Variants in EPB41L3 observed in about 807,000 individuals in gnomAD.
EPB41L3 encodes the protein band 4.1-like protein 3.
EPB41L3 carries 57 observed loss-of-function variants against 127.1 expected under a neutral mutation model. That is an observed-to-expected ratio of 0.45 (90% CI 0.36 to 0.56). The LOEUF (loss-of-function observed/expected upper bound fraction) is 0.56. EPB41L3 is among the 20% of genes least tolerant of loss of function. The pLI is 0.00. For synonymous variants in EPB41L3, 572 were observed against 549.5 expected, an observed-to-expected ratio of 1.04 and a Z score of -0.57; for missense variants, 1,273 against 1,372.2, an observed-to-expected ratio of 0.93 and a Z score of 1.14.
rs772769794 is a variant in EPB41L3 at position 5,423,459 on chromosome 18, T to C, written c.1258A>G (p.Ser420Gly). The C allele has an allele frequency of 1.9e-6, 3 of 1,614,098 alleles. No homozygotes were observed. The highest frequency in any genetic ancestry group is 1.6e-4 in the Middle Eastern group (1 of 6,062). Residue 420 changes from serine (S) to glycine (G), a missense_variant, in exon 11 of 23, where the codon AGT (serine) becomes GGT (glycine). By Grantham distance (56) the Ser-to-Gly change is moderately conservative. Transcript: ENST00000341928. ...GGTGCTGGGCGATCTATCAACGCAC[T>C]GGCTCTTCTCGTTTGCGCTTGTGTC... ...GRTQAQTRRA[S>G]ALIDRPAPYF...
intron 5 of EPB41L3, among the ~76,000 whole-genome samples, chr18:5,438,573 G>A (rs1230816211): frequency 6.6e-6 from 1 of 152,168 alleles, no homozygotes; most frequent in East Asian, 1.9e-4. Flanking sequence ...AATGTCAAGG[G>A]ACTATTCAAC....
chr18:5,616,230 A>G (rs948311), intron 1 of EPB41L3, among the ~76,000 whole-genome samples: 40,550 of 151,826 alleles, frequency 0.27, 5,707 homozygotes, highest in South Asian at 0.47. Context: ...CACTACGTGT[A>G]TGCCTGCTGC....
At chr18:5,629,190 A>G (rs550693151), upstream of EPB41L3, among the ~76,000 whole-genome samples, 12 of 151,842 alleles carry the variant, frequency 7.9e-5, no homozygotes, top group South Asian at 2.3e-3. Context: ...TCGATCCCCC[A>G]CCCGCACCCT....
At chr18:5,509,413 TA>T (rs1460492994) in intron 1 of EPB41L3, among the ~76,000 whole-genome samples, 2 of 152,214 alleles carry the variant, frequency 1.3e-5, no homozygotes, top group Non-Finnish European at 2.9e-5. Context: ...CCTGAGAGAA[TA>T]GAGTTAAACG....
At chr18:5,630,661 T>G, upstream of EPB41L3, 1 of 351,848 alleles carries the variant, frequency 2.8e-6, no homozygotes, top group African/African-American at 2.3e-5. Flanking sequence ...TTCGGGCGCC[T>G]GTGACAGCCC....
Position 5,397,204 on chromosome 18 carries a change from C to T in EPB41L3, c.2695G>A (p.Glu899Lys). The T allele has an allele frequency of 6.2e-7, 1 of 1,614,154 alleles. No homozygotes were observed. The highest frequency in any genetic ancestry group is 8.5e-7 in the Non-Finnish European group (1 of 1,180,028). ...IKGKEGSALT[E>K]GAKEEGGEEV... is the part of the protein sequence containing the mutation. ...TCCCCTCCTTCCTCTTTAGCCCCCTCCGTCAAGGCAGAGCCCTCTTTCCCT... is the reference window on the plus strand; with the variant it reads ...TCCCCTCCTTCCTCTTTAGCCCCCTTCGTCAAGGCAGAGCCCTCTTTCCCT... Residue 899 changes from glutamate to lysine, a missense_variant, in exon 18 of 23, where the codon GAG (glutamate) becomes AAG (lysine). Transcript: ENST00000341928. The surrounding 1 kb of genome is among the most constrained non-coding windows in gnomAD (Gnocchi z 4.1).
At chr18:5,515,099 A>G (rs1292930347) in intron 1 of EPB41L3, among the ~76,000 whole-genome samples, 1 of 152,134 alleles carries the variant, frequency 6.6e-6, no homozygotes, top group Non-Finnish European at 1.5e-5. Context: ...AGGACATTTT[A>G]TTTTTATTCT....
intron 1 of EPB41L3, among the ~76,000 whole-genome samples, chr18:5,492,889 G>A (rs1009617568): frequency 3.3e-5 from 5 of 151,958 alleles, no homozygotes; most frequent in Admixed American, 6.6e-5. Flanking sequence ...CCCTCTCTCA[G>A]GAATATATTT....
At chr18:5,593,201 C>T (rs2094502751) in intron 3 of EPB41L3, among the ~76,000 whole-genome samples, 1 of 151,768 alleles carries the variant, frequency 6.6e-6, no homozygotes, top group African/African-American at 2.4e-5. Flanking sequence ...ACCTCACCCC[C>T]ACCCCCCTGT....
At chr18:5,545,868 T>C, upstream of EPB41L3, among the ~76,000 whole-genome samples, 1 of 111,004 alleles carries the variant, frequency 9.0e-6, no homozygotes, top group African/African-American at 3.6e-5. Flanking sequence ...CGCACCTGTA[T>C]GACTCTGTGT....
At chr18:5,485,630 G>C (rs2089617503) in intron 2 of EPB41L3, among the ~76,000 whole-genome samples, 2 of 152,016 alleles carry the variant, frequency 1.3e-5, no homozygotes. Context: ...AGAACTGATA[G>C]ATGAATTCAG....
intron 6 of EPB41L3, among the ~76,000 whole-genome samples, chr18:5,435,786 G>A (rs2079685656): frequency 6.6e-6 from 1 of 152,154 alleles, no homozygotes; most frequent in Non-Finnish European, 1.5e-5. Context: ...ACAGATTTCA[G>A]GTAACTCAAT....
rs2076752830 is a variant in EPB41L3 at position 5,415,951 on chromosome 18, G to A, written c.1934C>T (p.Ser645Phe). Residue 645 changes from serine to phenylalanine, a missense_variant, in exon 13 of 23, where the codon TCT becomes TTT. Ser to Phe is a radical substitution (Grantham distance 155). This residue lies in a region of EPB41L3 where 765 missense variants were observed against 782.9 expected (regional missense o/e 0.98). Transcript: ENST00000341928. ...AGCGTATGGCACTGAGAAGGAGGCA[G>A]ACAGCAGAAAGAAAAAGATGAAGAG... is the stretch of plus-strand genomic sequence containing the variant. ...CFLFIFFFLL[S>F]ASFSVPYALT... 3 of 1,614,070 alleles carry A rather than the reference G, an allele frequency of 1.9e-6. No individual in the cohort carries two copies. The highest frequency in any genetic ancestry group is 1.7e-6 in the Non-Finnish European group (2 of 1,180,052).
intron 3 of EPB41L3, among the ~76,000 whole-genome samples, chr18:5,593,677 G>T (rs1876985746): frequency 6.6e-6 from 1 of 152,118 alleles, no homozygotes; most frequent in Non-Finnish European, 1.5e-5. Flanking sequence ...GTCCTAATAA[G>T]CCTGGGAGCA....
chr18:5,408,985 G>C (rs1158286528), intron 14 of EPB41L3, among the ~76,000 whole-genome samples: 1 of 152,198 alleles, frequency 6.6e-6, no homozygotes, highest in Non-Finnish European at 1.5e-5. Context: ...TGAGTCAGGT[G>C]CCTTAAGAAA....
chr18:5,569,363 A>G (rs1318616796), intron 3 of EPB41L3, among the ~76,000 whole-genome samples: 2 of 152,206 alleles, frequency 1.3e-5, no homozygotes, highest in East Asian at 3.8e-4. Context: ...TACATGACTA[A>G]AACAGTAATT....
intron 3 of EPB41L3, among the ~76,000 whole-genome samples, chr18:5,448,853 G>A (rs1217657478): frequency 6.6e-6 from 1 of 152,134 alleles, no homozygotes; most frequent in African/African-American, 2.4e-5. Flanking sequence ...TTCTGATAGA[G>A]TAAATGGACA....
intron 16 of EPB41L3, among the ~76,000 whole-genome samples, chr18:5,402,914 T>C (rs1368166776): frequency 6.6e-6 from 1 of 152,186 alleles, no homozygotes; most frequent in African/African-American, 2.4e-5. Flanking sequence ...TTGCAAATCA[T>C]GGGAACTGAC....
intron 13 of EPB41L3, among the ~76,000 whole-genome samples, chr18:5,414,879 C>T (rs1051492732): frequency 1.3e-5 from 2 of 152,140 alleles, no homozygotes; most frequent in East Asian, 1.9e-4. Context: ...TTGCTCGAGT[C>T]GGGGACAGGA....
Sources: gnomAD v4.1 joint callset for allele counts (sites outside exome capture counted in the v4.1 genomes callset) on GRCh38, gnomAD v4.1.1 for gene constraint, gnomAD v4.1.1 regional missense constraint, Gnocchi (gnomAD v3.1) non-coding constraint, MANE v1.5 for transcripts, NCBI Gene and HGNC (gene_info 2026-07-23, HGNC 2026-07-21) for gene names.